The following CNIH3 variants were observed in gnomAD, a reference collection of about 807,000 sequenced individuals.
The protein encoded by CNIH3 is protein cornichon homolog 3.
CNIH3 carries 14 observed loss-of-function variants against 24.1 expected under a neutral mutation model. The ratio of observed to expected loss-of-function variants is 0.58; its 90% CI spans 0.38 to 0.91. CNIH3 has a LOEUF of 0.91. Among genes scored for constraint, CNIH3 ranks in the 40% least tolerant of loss-of-function variants. The probability of loss-of-function intolerance (pLI) is 0.00; values close to 1 mark genes in which losing one functional copy is unlikely to be tolerated. For missense variants in CNIH3, 178 were observed against 196.8 expected, an observed-to-expected ratio of 0.90 and a Z score of 0.57; for synonymous variants, 68 against 73.8, an observed-to-expected ratio of 0.92 and a Z score of 0.40.
chr1:224,713,490 AAT>A (rs1688266894), intron 3 of CNIH3, among the ~76,000 whole-genome samples: 1 of 152,300 alleles, frequency 6.6e-6, no homozygotes, highest in South Asian at 2.1e-4. Context: ...ACTAAAAGGC[AAT>A]ATGACTTCAG....
chr1:224,587,865 C>T (rs550780993), intron 5 of CNIH3, among the ~76,000 whole-genome samples: 1 of 151,976 alleles, frequency 6.6e-6, no homozygotes, highest in East Asian at 1.9e-4. Flanking sequence ...TTGCTTGAGC[C>T]AGGAGGTCAA....
rs150654163 is a variant in CNIH3, at chr1:224,441,622, T to G, written n.203+6760T>G. On this transcript the variant is annotated intron_variant and non_coding_transcript_variant, in intron 1 of 5. Transcript: ENST00000471578. Reference sequence around the variant, plus strand: ...CACAATTATGACTGTTAACAACAAATTCTAATTATCATAAGAAAATGTTTC... The same window carrying G: ...CACAATTATGACTGTTAACAACAAAGTCTAATTATCATAAGAAAATGTTTC... Among the ~76,000 whole-genome samples, 471 of 152,368 alleles carry G rather than the reference T, an allele frequency of 3.1e-3. 1 individual carries two copies. The highest frequency in any genetic ancestry group is 0.01 in the African/African-American group (436 of 41,584).
chr1:224,708,027 G>A (rs969975698), intron 3 of CNIH3, among the ~76,000 whole-genome samples: 1 of 152,024 alleles, frequency 6.6e-6, no homozygotes. Context: ...ACCCCATCCT[G>A]CTCCCTGTCT....
intron 1 of CNIH3, among the ~76,000 whole-genome samples, chr1:224,490,825 A>G (rs1340028407): frequency 6.6e-6 from 1 of 152,248 alleles, no homozygotes; most frequent in Non-Finnish European, 1.5e-5. Context: ...GAATCACAGC[A>G]GGTTCAGAGA....
intron 1 of CNIH3, among the ~76,000 whole-genome samples, chr1:224,476,539 G>A (rs913090628): frequency 5.9e-5 from 9 of 152,100 alleles, no homozygotes; most frequent in Non-Finnish European, 8.8e-5. Flanking sequence ...CACTGGCAGC[G>A]AGCTGCACTT....
chr1:224,550,353 T>C (rs1342525667), intron 3 of CNIH3, among the ~76,000 whole-genome samples: 2 of 152,192 alleles, frequency 1.3e-5, no homozygotes, highest in African/African-American at 4.8e-5. Context: ...GTAAAAACTG[T>C]GTAAACACTG....
At chr1:224,669,163 G>A (rs1685742593) in intron 1 of CNIH3, among the ~76,000 whole-genome samples, 1 of 152,150 alleles carries the variant, frequency 6.6e-6, no homozygotes, top group Admixed American at 6.6e-5. Flanking sequence ...AGTCAGCTGG[G>A]GCTAGGTCTG....
At chr1:224,441,354 C>G (rs1558459950) in intron 1 of CNIH3, among the ~76,000 whole-genome samples, 1 of 152,154 alleles carries the variant, frequency 6.6e-6, no homozygotes, top group African/African-American at 2.4e-5. Context: ...CTCTTATATT[C>G]TCACACTGCC....
rs540638295 is a variant in CNIH3 at position 224,673,948 on chromosome 1, C to T, written c.82-7010C>T. 2.4e-4 allele frequency among the ~76,000 whole-genome samples: 37 copies of T among 152,300 alleles called. 2 individuals are homozygous for T. In the Middle Eastern group the frequency reaches 0.02, roughly 84 times the overall value. On this transcript the variant is annotated intron_variant, in intron 1 of 5. Transcript: ENST00000272133. ...GGTCCAGTGTGGGTTGTCCCTCATT[C>T]ATCATGCAAGGTAAAGTACATCATT...
intron 4 of CNIH3, among the ~76,000 whole-genome samples, chr1:224,581,428 T>TA (rs1454676930): frequency 6.6e-6 from 1 of 152,238 alleles, no homozygotes; most frequent in Non-Finnish European, 1.5e-5. Flanking sequence ...AACCTTTTCC[T>TA]TTCCTGTTTC....
At chr1:224,652,336 A>G (rs1469541690) in intron 1 of CNIH3, among the ~76,000 whole-genome samples, 1 of 152,088 alleles carries the variant, frequency 6.6e-6, no homozygotes, top group Admixed American at 6.5e-5. Context: ...GCTACATTCC[A>G]AACAGGCTAT....
chr1:224,649,084 T>G (rs1684750624), intron 1 of CNIH3, among the ~76,000 whole-genome samples: 1 of 152,236 alleles, frequency 6.6e-6, no homozygotes, highest in African/African-American at 2.4e-5. Context: ...CCCCCAAAGA[T>G]GTTCATGTCC....
chr1:224,502,109 G>A (rs188515199), intron 1 of CNIH3, among the ~76,000 whole-genome samples: 1 of 152,254 alleles, frequency 6.6e-6, no homozygotes, highest in African/African-American at 2.4e-5. Context: ...GATACCACTT[G>A]TGGGCAGAAC....
Position 224,739,454 on chromosome 1 carries a change from A to C in CNIH3, c.*98A>C. The stretch of plus-strand genomic sequence containing the variant: ...GACTGGAGGAGGGACCAGAATGAGG[A>C]TACGTGAGAAATAGACCCGGCAGGC... On this transcript the variant is annotated 3_prime_UTR_variant, in exon 6 of 6. Transcript: ENST00000272133. The C allele has an allele frequency of 6.4e-7, 1 of 1,572,456 alleles. No homozygotes were observed. Among genetic ancestry groups the C allele is most frequent in the African/African-American group, 1.4e-5 (1 of 72,222 alleles).
chr1:224,566,419 C>T lies in CNIH3; in HGVS notation n.516+155C>T, dbSNP rs375434190. 9.9e-5 allele frequency among the ~76,000 whole-genome samples: 15 copies of T among 150,980 alleles called. No individual in the cohort carries two copies. In the East Asian group the frequency reaches 1.9e-3, roughly 20 times the overall value. On this transcript the variant is annotated intron_variant and non_coding_transcript_variant, in intron 4 of 5. Coordinates refer to the CNIH3 transcript ENST00000471578. ...TAAGTTCTGGGGTACATGTGCAGAA[C>T]ATGAAGTTTTGTTACATAGGTATAC...
chr1:224,474,910 G>C (rs552863625), intron 1 of CNIH3, among the ~76,000 whole-genome samples: 3 of 151,334 alleles, frequency 2.0e-5, no homozygotes, highest in African/African-American at 4.9e-5. Flanking sequence ...TCGTGGCAGT[G>C]GGCGGGCGCC....
chr1:224,643,178 A>G (rs961519019), intron 1 of CNIH3, among the ~76,000 whole-genome samples: 1 of 152,158 alleles, frequency 6.6e-6, no homozygotes, highest in Non-Finnish European at 1.5e-5. Context: ...CACAACTATC[A>G]AATACCTGCC....
chr1:224,628,718 C>T (rs936957149), intron 1 of CNIH3, among the ~76,000 whole-genome samples: 10 of 152,080 alleles, frequency 6.6e-5, no homozygotes, highest in South Asian at 2.1e-4. Context: ...CCAGGGCACT[C>T]GAAAGTTAAC....
intron 3 of CNIH3, among the ~76,000 whole-genome samples, chr1:224,702,046 T>G (rs1275128425): frequency 2.0e-5 from 3 of 152,180 alleles, no homozygotes; most frequent in Non-Finnish European, 4.4e-5. Context: ...CCACTTGCAT[T>G]TAGATAGACA....
Sources: allele counts gnomAD v4.1 joint callset (sites outside exome capture counted in the v4.1 genomes callset), GRCh38; gene constraint gnomAD v4.1.1; transcripts MANE v1.5; gene names NCBI Gene and HGNC (gene_info 2026-07-23, HGNC 2026-07-21).